Variants in NALCN observed in about 807,000 individuals in gnomAD.
NALCN encodes the protein sodium leak channel, non-selective.
NALCN carries 111 observed loss-of-function variants against 225.3 expected under a neutral mutation model. That is an observed-to-expected ratio of 0.49 (90% confidence interval 0.42 to 0.58). The LOEUF (loss-of-function observed/expected upper bound fraction) is 0.58, where lower values mean the gene tolerates loss of function less well. Among genes scored for constraint, NALCN ranks in the 20% least tolerant of loss-of-function variants. NALCN has a pLI of 0.00. For missense variants in NALCN, 1,378 were observed against 2,202.4 expected (o/e 0.63, Z 7.49); for synonymous variants, 764 against 769.0 (o/e 0.99, Z 0.11).
Position 101,398,930 on chromosome 13 carries a change from C to T in NALCN, c.108+89G>A, listed in dbSNP as rs559836517. On this transcript the variant is annotated intron_variant, in intron 2 of 43. Coordinates refer to ENST00000251127, the MANE Select transcript of NALCN (RefSeq NM_052867.4). ...ATATTCTACTGCAGCTCAGATATTT[C>T]GAAGCCAAAGGTACATGATATTTGA... 3.1e-3 allele frequency: 2,495 copies of T among 813,886 alleles called. 12 individuals are homozygous for T. Among genetic ancestry groups the T allele is most frequent in the South Asian group, 7.3e-3 (485 of 66,362 alleles). 50.4% of individuals were successfully genotyped at this position (813,886 alleles called of 1,614,324 possible).
intron 7 of NALCN, among the ~76,000 whole-genome samples, chr13:101,330,254 C>A (rs751551820): frequency 1.3e-5 from 2 of 152,060 alleles, no homozygotes; most frequent in South Asian, 2.1e-4. Context: ...AACTATCCAG[C>A]GGTCAGAGAG....
rs75998276 is a variant in NALCN, at chr13:101,102,961, C to T, written c.3057+211G>A. On this transcript the variant is annotated intron_variant, in intron 26 of 43. Coordinates refer to ENST00000251127, the MANE Select transcript of NALCN (RefSeq NM_052867.4). ...AACTCTTTCAAATCTCAGAGTGCTTCTCTTTAGGTGAATTAAATAAACTCA... is the reference window on the plus strand; with the variant it reads ...AACTCTTTCAAATCTCAGAGTGCTTTTCTTTAGGTGAATTAAATAAACTCA... Among the ~76,000 whole-genome samples, 4,730 of 152,250 alleles carry T rather than the reference C, an allele frequency of 0.031. 104 individuals carry two copies. The highest frequency in any genetic ancestry group is 0.058 in the South Asian group (277 of 4,814).
intron 18 of NALCN, among the ~76,000 whole-genome samples, chr13:101,119,503 G>GGATGGAACTTTCTAAACTAATGT (rs1451886800): frequency 6.6e-6 from 1 of 152,130 alleles, no homozygotes; most frequent in Non-Finnish European, 1.5e-5. Flanking sequence ...AACCACACAA[G>GGATGGAACTTTCTAAACTAATGT]GATGGAACTT....
At chr13:101,235,165 C>G (rs1179618400) in intron 12 of NALCN, among the ~76,000 whole-genome samples, 2 of 151,886 alleles carry the variant, frequency 1.3e-5, no homozygotes, top group African/African-American at 2.4e-5. Context: ...AAAAACTCAT[C>G]ACAATTATAA....
chr13:101,307,423 C>T (rs1410509236), intron 7 of NALCN, among the ~76,000 whole-genome samples: 6 of 152,200 alleles, frequency 3.9e-5, no homozygotes, highest in African/African-American at 2.4e-5. Context: ...ATCACTCTTA[C>T]ATTAAAAATG....
At chr13:101,240,184 T>G (rs1168528326) in intron 11 of NALCN, among the ~76,000 whole-genome samples, 3 of 152,062 alleles carry the variant, frequency 2.0e-5, no homozygotes, top group Admixed American at 2.0e-4. Flanking sequence ...CTTTATGATT[T>G]TTTTCTTTAC....
intron 1 of NALCN, among the ~76,000 whole-genome samples, chr13:101,413,290 C>G (rs2047840151): frequency 6.6e-6 from 1 of 151,592 alleles, no homozygotes; most frequent in Non-Finnish European, 1.5e-5. Context: ...TTCAGGAAAC[C>G]AATTTGAAGA....
chr13:101,090,688 A>G (rs1389432641), intron 28 of NALCN, among the ~76,000 whole-genome samples: 1 of 151,978 alleles, frequency 6.6e-6, no homozygotes, highest in African/African-American at 2.4e-5. Flanking sequence ...CTGATTCCTG[A>G]TTCCTGAAAC....
At chr13:101,283,286 C>T (rs997836300) in intron 10 of NALCN, among the ~76,000 whole-genome samples, 1 of 151,998 alleles carries the variant, frequency 6.6e-6, no homozygotes, top group African/African-American at 2.4e-5. Flanking sequence ...CAGTATGGCC[C>T]CCTGAAGAAG....
chr13:101,198,010 G>T (rs930793429), intron 13 of NALCN, among the ~76,000 whole-genome samples: 3 of 152,172 alleles, frequency 2.0e-5, no homozygotes, highest in Non-Finnish European at 4.4e-5. Flanking sequence ...AAAATAATGA[G>T]CTGAGTTCAG....
chr13:101,274,768 G>C (rs1199435475), intron 10 of NALCN, among the ~76,000 whole-genome samples: 1 of 152,172 alleles, frequency 6.6e-6, no homozygotes, highest in Non-Finnish European at 1.5e-5. Flanking sequence ...CTTCAGGTGA[G>C]ACTGTAATAG....
intron 3 of NALCN, 92 bp downstream of exon 3, chr13:101,395,091 G>T: frequency 1.6e-6 from 2 of 1,281,490 alleles, no homozygotes; most frequent in Non-Finnish European, 2.1e-6. Context: ...ATGATGTTTT[G>T]TTTTACTGAA....
intron 12 of NALCN, among the ~76,000 whole-genome samples, chr13:101,230,831 C>T (rs542793897): frequency 3.6e-4 from 51 of 141,464 alleles, no homozygotes; most frequent in African/African-American, 1.1e-3. Context: ...TATATATACA[C>T]GCATGTATAT....
chr13:101,193,107 T>C (rs2140008668), intron 13 of NALCN, among the ~76,000 whole-genome samples: 1 of 151,626 alleles, frequency 6.6e-6, no homozygotes, highest in African/African-American at 2.4e-5. Context: ...TCCTTCTTTT[T>C]TTTTTTTTTT....
Position 101,124,678 on chromosome 13 carries a change from G to A in NALCN, c.2122C>T (p.Arg708Cys), listed in dbSNP as rs780641051. 18 of 1,613,594 alleles carry A rather than the reference G, an allele frequency of 1.1e-5. No homozygotes were observed. The highest frequency in any genetic ancestry group is 1.6e-4 in the Middle Eastern group (1 of 6,082). Residue 708 changes from arginine (R) to cysteine (C), a missense_variant, in exon 18 of 44, where the codon CGC becomes TGC. By Grantham distance (180) the Arg-to-Cys change is radical. This residue lies in a region of NALCN where 100 missense variants were observed against 89.4 expected (regional missense o/e 1.12). Transcript: ENST00000251127. ...EDNKYIDQKL[R>C]KSVFSIRARN... Reference sequence around the variant, plus strand: ...GCCCTGATGCTGAAAACAGACTTGCGAAGCTGAAAATGATAAGAGTATGAC... The same window carrying A: ...GCCCTGATGCTGAAAACAGACTTGCAAAGCTGAAAATGATAAGAGTATGAC...
intron 3 of NALCN, among the ~76,000 whole-genome samples, chr13:101,390,018 G>A (rs931536998): frequency 4.6e-5 from 7 of 152,176 alleles, no homozygotes; most frequent in African/African-American, 1.7e-4. Context: ...GAAGGTGGAG[G>A]TTGCAGTGAG....
At chr13:101,181,326 A>G in intron 14 of NALCN, 2 of 518,964 alleles carry the variant, frequency 3.9e-6, no homozygotes, top group South Asian at 2.8e-5. Flanking sequence ...GGTCACGGAT[A>G]AGAGAGGGAG....
intron 1 of NALCN, among the ~76,000 whole-genome samples, chr13:101,399,792 T>G (rs2047415015): frequency 6.6e-6 from 1 of 152,178 alleles, no homozygotes. Context: ...AGGTGGGAGA[T>G]GAGATGCCTG....
intron 6 of NALCN, among the ~76,000 whole-genome samples, chr13:101,352,742 C>T (rs1051682514): frequency 6.6e-6 from 1 of 152,118 alleles, no homozygotes; most frequent in Admixed American, 6.5e-5. Flanking sequence ...TAAATTATTA[C>T]TAAATTTACT....
Sources: gnomAD v4.1 joint callset for allele counts (sites outside exome capture counted in the v4.1 genomes callset) on GRCh38, gnomAD v4.1.1 for gene constraint, gnomAD v4.1.1 regional missense constraint, MANE v1.5 for transcripts, NCBI Gene and HGNC (gene_info 2026-07-23, HGNC 2026-07-21) for gene names.